CREB3L2: variants seen among roughly 807,000 people sequenced by gnomAD.
CREB3L2 encodes the protein cAMP responsive element binding protein 3 like 2.
In CREB3L2, 23 loss-of-function variants were observed where a neutral mutation model predicts 57.2. The ratio of observed to expected loss-of-function variants is 0.40; its 90% CI spans 0.29 to 0.57. The LOEUF (loss-of-function observed/expected upper bound fraction) is 0.57. CREB3L2 is among the 20% of genes least tolerant of loss of function. The pLI is 0.42. For missense variants in CREB3L2, 628 were observed against 634.7 expected, an observed-to-expected ratio of 0.99 and a Z score of 0.11; for synonymous variants, 268 against 265.1, an observed-to-expected ratio of 1.01 and a Z score of -0.11.
intron 1 of CREB3L2, among the ~76,000 whole-genome samples, chr7:137,966,606 G>A (rs1801411461): frequency 6.6e-6 from 1 of 152,098 alleles, no homozygotes; most frequent in Non-Finnish European, 1.5e-5. Flanking sequence ...CAAAGAACAG[G>A]AAATAACATA....
intron 1 of CREB3L2, among the ~76,000 whole-genome samples, chr7:137,973,575 G>C (rs1000551224): frequency 6.6e-6 from 1 of 152,108 alleles, no homozygotes; most frequent in East Asian, 1.9e-4. Context: ...GCAGCACAGG[G>C]CCCATCCGAC....
chr7:137,900,142 A>T (rs923060058), intron 8 of CREB3L2, among the ~76,000 whole-genome samples: 3 of 152,086 alleles, frequency 2.0e-5, no homozygotes, highest in African/African-American at 7.2e-5. Context: ...CAGTTTCTTA[A>T]CCCTGCACTT....
At position 137,879,723 on chromosome 7, in the gene CREB3L2, A is replaced by G; in HGVS notation, c.*753T>C. ...CTCTTCAGTGTGGTTGCTAGCAGGA[A>G]GCCTCGGCAAGCTAATAAATACTAT... On this transcript the variant is annotated 3_prime_UTR_variant, in exon 12 of 12. Coordinates refer to ENST00000330387, the MANE Select transcript of CREB3L2 (RefSeq NM_194071.4). 4.2e-6 allele frequency: 1 copy of G among 235,382 alleles called. No individual in the cohort carries two copies. Among genetic ancestry groups the G allele is most frequent in the Non-Finnish European group, 8.4e-6 (1 of 119,370 alleles). 14.6% of individuals were successfully genotyped at this position (235,382 alleles called of 1,614,324 possible).
chr7:137,884,772 C>A, intron 10 of CREB3L2: 2 of 633,904 alleles, frequency 3.2e-6, no homozygotes, highest in South Asian at 3.7e-5. Flanking sequence ...CAGCAGTTTG[C>A]AAACTGTGCT....
intron 1 of CREB3L2, chr7:137,953,460 G>A (rs773215342): frequency 4.7e-6 from 6 of 1,288,722 alleles, no homozygotes; most frequent in Non-Finnish European, 6.1e-6. Context: ...TGCTGTTGGT[G>A]TATGTTAAAT....
chr7:137,938,414 C>T (rs773336467), intron 1 of CREB3L2, among the ~76,000 whole-genome samples: 8 of 152,104 alleles, frequency 5.3e-5, no homozygotes, highest in Non-Finnish European at 1.0e-4. Context: ...GGTGCGATCT[C>T]GGCTCACTGC....
chr7:137,882,739 G>A (rs913897541), intron 10 of CREB3L2, 111 bp from the exon 11 acceptor site: 38 of 702,372 alleles, frequency 5.4e-5, no homozygotes, highest in African/African-American at 2.1e-4. Context: ...GTGTGTTCTC[G>A]TTGCCCAGAA....
chr7:137,953,624 T>G, intron 1 of CREB3L2: 2 of 816,558 alleles, frequency 2.4e-6, no homozygotes, highest in Non-Finnish European at 3.6e-6. Flanking sequence ...AAGTCCTTGT[T>G]TCACTTGCAT....
In CREB3L2 at chr7:137,878,960, G is replaced by T. The variant is rs1173148425; in HGVS notation, c.*1516C>A. The T allele has an allele frequency of 1.9e-5, 8 of 416,082 alleles. No individual in the cohort carries two copies. The highest frequency in any genetic ancestry group is 1.3e-5 in the Non-Finnish European group (3 of 223,038). 25.8% of individuals were successfully genotyped at this position (416,082 alleles called of 1,614,324 possible). The stretch of plus-strand genomic sequence containing the variant: ...GAGAAGGAGAGACAGAGAGAGAGAG[G>T]GAGAGAGAGAAGCCAAAACCAAAGG... On this transcript the variant is annotated 3_prime_UTR_variant, in exon 12 of 12. Coordinates refer to ENST00000330387, the MANE Select transcript of CREB3L2 (RefSeq NM_194071.4).
chr7:137,948,013 G>A (rs1257188255), intron 1 of CREB3L2, among the ~76,000 whole-genome samples: 1 of 152,252 alleles, frequency 6.6e-6, no homozygotes, highest in Middle Eastern at 3.4e-3. Context: ...AAGTCCTCCT[G>A]CTCTGTTTCT....
intron 1 of CREB3L2, chr7:137,936,055 T>C: frequency 2.6e-6 from 1 of 379,556 alleles, no homozygotes; most frequent in East Asian, 1.6e-4. Context: ...TCATAATTCT[T>C]TAGTTCAAAT....
intron 1 of CREB3L2, among the ~76,000 whole-genome samples, chr7:137,956,111 A>G (rs1051344832): frequency 6.6e-6 from 1 of 152,220 alleles, no homozygotes; most frequent in African/African-American, 2.4e-5. Flanking sequence ...GGCAAGACAG[A>G]ACCATCAGTT....
intron 8 of CREB3L2, among the ~76,000 whole-genome samples, chr7:137,892,213 A>T (rs907453667): frequency 7.2e-5 from 11 of 152,206 alleles, no homozygotes; most frequent in Non-Finnish European, 1.3e-4. Context: ...TTTGTGAAGC[A>T]TTCATATTAG....
chr7:137,995,427 C>T (rs1033731994), intron 1 of CREB3L2, among the ~76,000 whole-genome samples: 7 of 150,856 alleles, frequency 4.6e-5, no homozygotes, highest in Middle Eastern at 3.4e-3. Flanking sequence ...CTCCACCCCC[C>T]AGGTTCAAGG....
At chr7:137,909,766 G>T (rs768093260) in intron 4 of CREB3L2, among the ~76,000 whole-genome samples, 3 of 152,170 alleles carry the variant, frequency 2.0e-5, no homozygotes, top group Non-Finnish European at 2.9e-5. Context: ...GCCTGATATG[G>T]TTTGGCTGTG....
Position 137,880,328 on chromosome 7 carries a change from G to C in CREB3L2, c.*148C>G. On this transcript the variant is annotated 3_prime_UTR_variant, in exon 12 of 12. Transcript: ENST00000330387. This position sits in a 1 kb window ranked among gnomAD's most constrained non-coding sequence, Gnocchi z 4.0. ...GGAGATGCTCTCTCACTGCAGGGAA[G>C]TCCCAGGCTGGTCTCCAATCTGAAG... 3.0e-6 allele frequency: 2 copies of C among 672,830 alleles called. No individual in the cohort carries two copies. Among genetic ancestry groups the C allele is most frequent in the East Asian group, 5.5e-5 (2 of 36,550 alleles). 41.7% of individuals were successfully genotyped at this position (672,830 alleles called of 1,614,324 possible).
At chr7:137,945,572 CTT>C (rs912753111) in intron 1 of CREB3L2, among the ~76,000 whole-genome samples, 9 of 152,202 alleles carry the variant, frequency 5.9e-5, no homozygotes, top group African/African-American at 2.2e-4. Flanking sequence ...AAAAGACAGA[CTT>C]TTCTGCAGGG....
At chr7:137,897,221 A>G (rs1234735542) in intron 8 of CREB3L2, among the ~76,000 whole-genome samples, 1 of 152,232 alleles carries the variant, frequency 6.6e-6, no homozygotes, top group Non-Finnish European at 1.5e-5. Context: ...AAAATATGCA[A>G]TTTTGTCAAT....
intron 2 of CREB3L2, among the ~76,000 whole-genome samples, chr7:137,918,335 T>C (rs1440753064): frequency 6.6e-6 from 1 of 152,044 alleles, no homozygotes; most frequent in Non-Finnish European, 1.5e-5. Flanking sequence ...GAATTACAGG[T>C]ACACGCCACG....
Sources: gnomAD v4.1 joint callset for allele counts (sites outside exome capture counted in the v4.1 genomes callset) on GRCh38, gnomAD v4.1.1 for gene constraint, Gnocchi (gnomAD v3.1) non-coding constraint, MANE v1.5 for transcripts, NCBI Gene and HGNC (gene_info 2026-07-23, HGNC 2026-07-21) for gene names.